ZNF90: variants seen among roughly 807,000 people sequenced by gnomAD.
ZNF90 encodes the protein zinc finger protein 90, also known as zinc finger protein HTF9.
In ZNF90, 11 loss-of-function variants were observed where a neutral mutation model predicts 12.0. That is an observed-to-expected ratio of 0.92 (90% CI 0.58 to 1.52). The LOEUF is 1.52. ZNF90 is among the 40% of genes most tolerant of loss of function. The pLI is 0.00. For missense variants in ZNF90, 765 were observed against 711.5 expected (o/e 1.08, Z -0.86); for synonymous variants, 232 against 240.1 (o/e 0.97, Z 0.31).
intron 1 of ZNF90, among the ~76,000 whole-genome samples, chr19:20,088,862 C>T (rs568970337): frequency 9.8e-5 from 15 of 152,320 alleles, no homozygotes; most frequent in Middle Eastern, 3.4e-3. Flanking sequence ...AAGTCCTAAA[C>T]GGACCATCAA....
At chr19:20,103,958 T>A (rs1277865062) in intron 1 of ZNF90, among the ~76,000 whole-genome samples, 1 of 152,212 alleles carries the variant, frequency 6.6e-6, no homozygotes, top group Non-Finnish European at 1.5e-5. Context: ...AATATAGCAC[T>A]CAAAAATGTA....
In ZNF90 at chr19:20,104,229, T is replaced by C; in HGVS notation, c.4-10T>C. The C allele has an allele frequency of 6.2e-7, 1 of 1,613,660 alleles. No individual in the cohort carries two copies. Among genetic ancestry groups the C allele is most frequent in the Non-Finnish European group, 8.5e-7 (1 of 1,179,710 alleles). On this transcript the variant is annotated splice_polypyrimidine_tract_variant and intron_variant, in intron 1 of 3. Coordinates refer to ENST00000418063, the MANE Select transcript of ZNF90 (RefSeq NM_007138.2). ...GTAAAAATGTGTGTGTGTATATGTGTGTTTTTCAGGGACCATTGGAATTTA... is the reference window on the plus strand; with the variant it reads ...GTAAAAATGTGTGTGTGTATATGTGCGTTTTTCAGGGACCATTGGAATTTA...
intron 1 of ZNF90, chr19:20,080,344 G>A: frequency 2.1e-6 from 1 of 481,718 alleles, no homozygotes; most frequent in South Asian, 1.8e-5. Context: ...TGAGCCACAG[G>A]AGAAATTCCC....
intron 3 of ZNF90, 53 bp from the exon 4 acceptor site, chr19:20,117,728 G>A (rs782719313): frequency 6.9e-7 from 1 of 1,445,820 alleles, no homozygotes; most frequent in Non-Finnish European, 9.1e-7. Context: ...AATGTAACCT[G>A]TATTTATCAG....
intron 3 of ZNF90, among the ~76,000 whole-genome samples, chr19:20,108,706 G>A (rs1473514055): frequency 1.8e-4 from 26 of 147,660 alleles, no homozygotes; most frequent in Non-Finnish European, 6.0e-5. Context: ...TTCTATATTA[G>A]TGTGTTTCTT....
chr19:20,113,783 GCGCCACTGCACTCCAGC>G (rs1472134612), intron 3 of ZNF90, among the ~76,000 whole-genome samples: 1 of 151,988 alleles, frequency 6.6e-6, no homozygotes, highest in Non-Finnish European at 1.5e-5. Flanking sequence ...AGCGGAGATC[GCGCCACTGCACTCCAGC>G]CTGAGGGACA....
At chr19:20,113,968 TTA>T (rs2089114621) in intron 3 of ZNF90, among the ~76,000 whole-genome samples, 1 of 152,172 alleles carries the variant, frequency 6.6e-6, no homozygotes, top group South Asian at 2.1e-4. Context: ...TACTTATGTG[TTA>T]TGTGTCAAAA....
At chr19:20,112,773 G>T (rs1161369117) in intron 3 of ZNF90, among the ~76,000 whole-genome samples, 2 of 152,006 alleles carry the variant, frequency 1.3e-5, no homozygotes, top group East Asian at 1.9e-4. Flanking sequence ...AATTTGGGAA[G>T]TTCTCAACTT....
chr19:20,089,382 G>A (rs115421744), intron 1 of ZNF90, among the ~76,000 whole-genome samples: 2,275 of 152,220 alleles, frequency 0.015, 52 homozygotes, highest in African/African-American at 0.052. Context: ...TAATTGCTGC[G>A]AATTTTTTTA....
chr19:20,113,285 G>A (rs773618014), intron 3 of ZNF90, among the ~76,000 whole-genome samples: 12 of 151,712 alleles, frequency 7.9e-5, no homozygotes, highest in Non-Finnish European at 2.9e-5. Flanking sequence ...CTGCCTCCTG[G>A]GTTCAAGCCC....
At chr19:20,108,300 TAGAC>T (rs1270287105) in intron 3 of ZNF90, among the ~76,000 whole-genome samples, 4 of 152,186 alleles carry the variant, frequency 2.6e-5, no homozygotes, top group Non-Finnish European at 5.9e-5. Context: ...TGCAGTTACT[TAGAC>T]AAATTGTTAA....
At chr19:20,093,409 A>T (rs1243579856) in intron 1 of ZNF90, among the ~76,000 whole-genome samples, 1 of 152,054 alleles carries the variant, frequency 6.6e-6, no homozygotes, top group Non-Finnish European at 1.5e-5. Context: ...ATGGGATGGT[A>T]ATGGGCATGT....
At chr19:20,087,002 C>G (rs2088864585) in intron 1 of ZNF90, 1 of 152,210 alleles carries the variant, frequency 6.6e-6, no homozygotes. Context: ...CAGTCAGATT[C>G]TATTTCTTCA....
intron 1 of ZNF90, among the ~76,000 whole-genome samples, chr19:20,097,010 C>T (rs1555703342): frequency 1.3e-5 from 2 of 152,156 alleles, no homozygotes; most frequent in Non-Finnish European, 2.9e-5. Flanking sequence ...ACACACATGG[C>T]CTCGTCAATC....
At chr19:20,097,385 G>A (rs2088956751) in intron 1 of ZNF90, among the ~76,000 whole-genome samples, 1 of 152,174 alleles carries the variant, frequency 6.6e-6, no homozygotes, top group Admixed American at 6.5e-5. Flanking sequence ...AGGCAGAATT[G>A]TGTCTCAGCC....
intron 1 of ZNF90, among the ~76,000 whole-genome samples, chr19:20,101,861 CT>C (rs1429465517): frequency 1.3e-5 from 2 of 152,184 alleles, no homozygotes; most frequent in African/African-American, 4.8e-5. Flanking sequence ...ACTCAGAAAA[CT>C]TTACATCTGT....
chr19:20,117,740 A>G (rs781953902), intron 3 of ZNF90, 41 bp from the exon 4 acceptor site: 3 of 1,452,590 alleles, frequency 2.1e-6, no homozygotes, highest in Non-Finnish European at 2.7e-6. Flanking sequence ...ATTTATCAGA[A>G]TCTAGCAATT....
chr19:20,109,902 A>G (rs1026309512), intron 3 of ZNF90, among the ~76,000 whole-genome samples: 1 of 152,132 alleles, frequency 6.6e-6, no homozygotes, highest in South Asian at 2.1e-4. Flanking sequence ...GAAACTTTAC[A>G]TCTTGCAAAA....
At chr19:20,105,042 C>T (rs1555704244) in intron 2 of ZNF90, among the ~76,000 whole-genome samples, 179 bp from the exon 3 acceptor site, 1 of 151,956 alleles carries the variant, frequency 6.6e-6, no homozygotes, top group Non-Finnish European at 1.5e-5. Flanking sequence ...CAAAAAACCA[C>T]ACACACACAA....
Sources: allele counts gnomAD v4.1 joint callset (sites outside exome capture counted in the v4.1 genomes callset), GRCh38; gene constraint gnomAD v4.1.1; transcripts MANE v1.5; gene names NCBI Gene and HGNC (gene_info 2026-07-23, HGNC 2026-07-21).